Variants in WDR93 observed in about 807,000 individuals in gnomAD.
The protein encoded by WDR93 is WD repeat-containing protein 93.
Under a neutral mutation model 82.9 loss-of-function variants are expected in WDR93, and 73 were observed. The ratio of observed to expected loss-of-function variants is 0.88; its 90% CI spans 0.73 to 1.07. The LOEUF is 1.07. Among genes scored for constraint, WDR93 ranks in the 50% least tolerant of loss-of-function variants. The pLI is 0.00. For missense variants in WDR93, 738 were observed against 826.0 expected (o/e 0.89, Z 1.31); for synonymous variants, 283 against 300.1 (o/e 0.94, Z 0.59).
At chr15:89,697,946 C>A (rs1475679897) in intron 1 of WDR93, among the ~76,000 whole-genome samples, 1 of 146,906 alleles carries the variant, frequency 6.8e-6, no homozygotes, top group Non-Finnish European at 1.5e-5. Context: ...GTGGTGCAAT[C>A]TCGGCTCACT....
intron 11 of WDR93, 78 bp from the exon 12 acceptor site, chr15:89,731,365 G>A (rs780959989): frequency 1.4e-5 from 22 of 1,585,544 alleles, no homozygotes; most frequent in East Asian, 2.2e-5. Flanking sequence ...ACCAGTCTGA[G>A]TCACAGGTTG....
intron 1 of WDR93, among the ~76,000 whole-genome samples, chr15:89,700,559 G>GTTTTT (rs5814397): frequency 8.0e-6 from 1 of 124,712 alleles, no homozygotes; most frequent in African/African-American, 2.9e-5. Context: ...AATATTGAGG[G>GTTTTT]TTTTTTTTTT....
intron 7 of WDR93, among the ~76,000 whole-genome samples, chr15:89,718,956 A>G (rs983282770): frequency 1.3e-5 from 2 of 152,186 alleles, no homozygotes; most frequent in African/African-American, 4.8e-5. Context: ...GTGTATTTAC[A>G]TCTTACGTTT....
At chr15:89,729,462 T>A (rs747775) in intron 10 of WDR93, among the ~76,000 whole-genome samples, 2 of 151,868 alleles carry the variant, frequency 1.3e-5, no homozygotes, top group Admixed American at 6.5e-5. Context: ...GTCCTCCCTA[T>A]GCAAGAAGGC....
Position 89,712,028 on chromosome 15 carries a change from T to G in WDR93, c.564T>G (p.Asp188Glu). 1 of 1,612,746 alleles carries G rather than the reference T, an allele frequency of 6.2e-7. No homozygotes were observed. The change falls in exon 5 of 17, where the codon GAT becomes GAG. Residue 188 changes from aspartate to glutamate, a missense_variant and splice_region_variant. By Grantham distance (45) the Asp-to-Glu change is conservative. Transcript: ENST00000268130. ...ATCAACATCTCTTTTGTTTTCAGGA[T>G]GATACCAGCAAGCAAACTACCTGTA... The part of the protein sequence containing the change: ...LYLVKAINEV[D>E]DTSKQTTCIK...
chr15:89,718,993 T>C (rs528424759), intron 7 of WDR93, among the ~76,000 whole-genome samples: 1 of 152,386 alleles, frequency 6.6e-6, no homozygotes, highest in South Asian at 2.1e-4. Context: ...TTTTGTTTCA[T>C]GGAATTTTTT....
intron 4 of WDR93, among the ~76,000 whole-genome samples, chr15:89,707,386 A>G (rs747467681): frequency 2.0e-5 from 3 of 152,120 alleles, no homozygotes; most frequent in Non-Finnish European, 4.4e-5. Flanking sequence ...CCCCATCTCT[A>G]CTAAAAATAC....
chr15:89,690,659 G>A (rs199714756), upstream of WDR93: 12 of 1,540,712 alleles, frequency 7.8e-6, no homozygotes, highest in South Asian at 9.5e-5. Context: ...GCCACGAGTC[G>A]CACGGGGCTC....
intron 8 of WDR93, among the ~76,000 whole-genome samples, chr15:89,725,559 T>G (rs900790326): frequency 7.3e-6 from 1 of 137,276 alleles, no homozygotes; most frequent in Non-Finnish European, 1.6e-5. Flanking sequence ...TTTTTTTTTC[T>G]TTTTTCTTTT....
intron 2 of WDR93, 55 bp from the exon 3 acceptor site, chr15:89,702,895 A>C: frequency 9.6e-6 from 15 of 1,562,124 alleles, no homozygotes; most frequent in Non-Finnish European, 1.3e-5. Context: ...AAGCTAACTC[A>C]TAATATTTGA....
At chr15:89,707,491 G>A (rs539334133) in intron 4 of WDR93, among the ~76,000 whole-genome samples, 1 of 152,222 alleles carries the variant, frequency 6.6e-6, no homozygotes, top group Non-Finnish European at 1.5e-5. Flanking sequence ...AGAGGTTGAA[G>A]TGAGCTGAGA....
At chr15:89,714,515 G>C (rs1966152991) in intron 5 of WDR93, among the ~76,000 whole-genome samples, 1 of 151,994 alleles carries the variant, frequency 6.6e-6, no homozygotes, top group Non-Finnish European at 1.5e-5. Flanking sequence ...TAGTAGAAAT[G>C]GGGTTTCACC....
chr15:89,738,359 G>GC, intron 16 of WDR93, 123 bp downstream of exon 16: 1 of 1,187,084 alleles, frequency 8.4e-7, no homozygotes, highest in Non-Finnish European at 1.2e-6. Flanking sequence ...GGGCGTGGTG[G>GC]CTCACGCCTG....
chr15:89,705,746 T>G, intron 4 of WDR93, 128 bp downstream of exon 4: 2 of 679,400 alleles, frequency 2.9e-6, no homozygotes, highest in Non-Finnish European at 5.2e-6. Context: ...CCAGAGAGCC[T>G]CCTCCAAAAT....
At chr15:89,716,996 T>A in intron 7 of WDR93, 47 bp downstream of exon 7, 1 of 1,168,052 alleles carries the variant, frequency 8.6e-7, no homozygotes, top group Non-Finnish European at 1.2e-6. Flanking sequence ...AGTTTGTATT[T>A]TAGAGATTTT....
At chr15:89,729,604 C>T (rs905742582) in intron 10 of WDR93, 79 bp from the exon 11 acceptor site, 1 of 1,102,474 alleles carries the variant, frequency 9.1e-7, no homozygotes, top group Non-Finnish European at 1.4e-6. Context: ...GGGCAAACAC[C>T]TTCTGTGCAA....
chr15:89,732,729 T>C (rs1412217320), intron 12 of WDR93, among the ~76,000 whole-genome samples: 1 of 152,130 alleles, frequency 6.6e-6, no homozygotes, highest in Non-Finnish European at 1.5e-5. Context: ...GGCTGGGTTG[T>C]AGCTTCCTTC....
intron 4 of WDR93, among the ~76,000 whole-genome samples, chr15:89,711,104 C>A (rs1965954783): frequency 6.6e-6 from 1 of 152,120 alleles, no homozygotes; most frequent in Non-Finnish European, 1.5e-5. Context: ...GAGAGACAAC[C>A]AGCTATTATG....
rs148585293 is a variant in WDR93, at chr15:89,698,085, C to T, written c.-40-3622C>T. 8.8e-3 allele frequency among the ~76,000 whole-genome samples: 1,334 copies of T among 151,814 alleles called. 23 individuals are homozygous for T. Among genetic ancestry groups the T allele is most frequent in the African/African-American group, 0.029 (1,188 of 41,338 alleles). On this transcript the variant is annotated intron_variant, in intron 1 of 16. Coordinates refer to ENST00000268130, the MANE Select transcript of WDR93 (RefSeq NM_020212.2). ...AATTTTAGTAGGGACAGGGTCTCAC[C>T]GTGTTAGCCAGGATGGTCTCGATCT...
Sources: allele counts gnomAD v4.1 joint callset (sites outside exome capture counted in the v4.1 genomes callset), GRCh38; gene constraint gnomAD v4.1.1; transcripts MANE v1.5; gene names NCBI Gene and HGNC (gene_info 2026-07-23, HGNC 2026-07-21).